The following PCDHGB4 variants were observed in gnomAD, a reference collection of about 807,000 sequenced individuals.
PCDHGB4 encodes protocadherin gamma subfamily B, 4.
PCDHGB4 carries 38 observed loss-of-function variants against 60.5 expected under a neutral mutation model. The ratio of observed to expected loss-of-function variants is 0.63; its 90% CI spans 0.48 to 0.82. The LOEUF is 0.82. Ranked by LOEUF, PCDHGB4 falls within the 40% of genes least tolerant of loss-of-function variation. The probability of loss-of-function intolerance (pLI) is 0.00; values close to 1 mark genes in which losing one functional copy is unlikely to be tolerated. For missense variants in PCDHGB4, 1,109 were observed against 1,209.6 expected (o/e 0.92, Z 1.23); for synonymous variants, 456 against 509.7 (o/e 0.89, Z 1.42).
chr5:141,422,587 CCTCA>C, intron 1 of PCDHGB4: 1 of 1,614,032 alleles, frequency 6.2e-7, no homozygotes, highest in Non-Finnish European at 8.5e-7. Context: ...TCCCGTTTTT[CCTCA>C]CTCCTCTTAC....
At chr5:141,506,351 A>G (rs1029519620) in intron 3 of PCDHGB4, among the ~76,000 whole-genome samples, 2 of 150,784 alleles carry the variant, frequency 1.3e-5, no homozygotes, top group African/African-American at 4.9e-5. Context: ...TGGGAGGCTG[A>G]GGCAGGAGAA....
At chr5:141,392,668 C>T in intron 1 of PCDHGB4, 2 of 849,812 alleles carry the variant, frequency 2.4e-6, no homozygotes, top group Admixed American at 3.2e-5. Flanking sequence ...CACAAACTAA[C>T]TGCTGGACTG....
chr5:141,451,806 A>G (rs145650418), intron 1 of PCDHGB4, among the ~76,000 whole-genome samples: 6,855 of 150,824 alleles, frequency 0.045, 259 homozygotes, highest in African/African-American at 0.1. Context: ...GCTTGAACCC[A>G]GGAGGCGGAG....
intron 1 of PCDHGB4, among the ~76,000 whole-genome samples, chr5:141,455,406 CAG>C (rs1306843200): frequency 3.3e-5 from 5 of 152,226 alleles, no homozygotes; most frequent in Non-Finnish European, 5.9e-5. Flanking sequence ...CTTACAGAGA[CAG>C]AGGGAGCGGG....
intron 1 of PCDHGB4, among the ~76,000 whole-genome samples, chr5:141,465,116 C>A (rs2099097321): frequency 6.6e-6 from 1 of 150,972 alleles, no homozygotes; most frequent in Non-Finnish European, 1.5e-5. Context: ...AGTGTTTTAG[C>A]CTAAATTTGT....
At chr5:141,446,401 T>C (rs1321106896) in intron 1 of PCDHGB4, among the ~76,000 whole-genome samples, 1 of 152,166 alleles carries the variant, frequency 6.6e-6, no homozygotes, top group African/African-American at 2.4e-5. Context: ...AGAAATCGAG[T>C]TGAGTTCCAG....
intron 1 of PCDHGB4, among the ~76,000 whole-genome samples, chr5:141,469,103 C>G (rs949254605): frequency 6.6e-6 from 1 of 151,844 alleles, no homozygotes; most frequent in Non-Finnish European, 1.5e-5. Flanking sequence ...AAAGCAAGAA[C>G]CTGTCTCTAA....
At chr5:141,419,713 C>T in intron 1 of PCDHGB4, 1 of 1,613,264 alleles carries the variant, frequency 6.2e-7, no homozygotes, top group East Asian at 2.2e-5. Context: ...GGCTCTTCAG[C>T]CTGGGGCTGC....
In PCDHGB4 at chr5:141,392,850, C is replaced by T. The variant is rs752526573; in HGVS notation, c.2397+2569C>T. ...ACAGAGTCGCCCCAGACGCGGCGAG[C>T]TGATCCTGCTGTGCGCGCTGCTGGG... On this transcript the variant is annotated intron_variant, in intron 1 of 3. Coordinates refer to ENST00000519479, the MANE Select transcript of PCDHGB4 (RefSeq NM_003736.4). The T allele has an allele frequency of 3.1e-6, 5 of 1,610,550 alleles. No homozygotes were observed. In the African/African-American group the frequency reaches 5.3e-5, roughly 17 times the overall value.
At chr5:141,390,634 T>C (rs1003300188) in intron 1 of PCDHGB4, 36 of 236,246 alleles carry the variant, frequency 1.5e-4, no homozygotes, top group African/African-American at 7.4e-4. Context: ...ATATGATGAA[T>C]ACTTTTTTCA....
intron 1 of PCDHGB4, among the ~76,000 whole-genome samples, chr5:141,438,497 T>C (rs1274742357): frequency 6.7e-6 from 1 of 149,116 alleles, no homozygotes; most frequent in African/African-American, 2.5e-5. Flanking sequence ...GAAAAAAGAA[T>C]CATAGTGCAA....
chr5:141,476,421 C>G lies in PCDHGB4; in HGVS notation c.2398-18386C>G. 1 of 1,614,026 alleles carries G rather than the reference C, an allele frequency of 6.2e-7. No homozygotes were observed. Among genetic ancestry groups the G allele is most frequent in the South Asian group, 1.1e-5 (1 of 91,066 alleles). On this transcript the variant is annotated intron_variant, in intron 1 of 3. Transcript: ENST00000519479. The surrounding 1 kb of genome is among the most constrained non-coding windows in gnomAD (Gnocchi z 7.6). ...CGAGAGGAGCTGTGTGGGACACTGC[C>G]CTCTTGCACTGTAACTCTGGAGTTG...
Position 141,491,742 on chromosome 5 carries a change from C to CA in PCDHGB4, c.2398-3064dup. The CA allele has an allele frequency of 3.1e-6, 5 of 1,596,114 alleles. No individual in the cohort carries two copies. Among genetic ancestry groups the CA allele is most frequent in the Non-Finnish European group, 4.3e-6 (5 of 1,172,424 alleles). ...CGCCCCGGGCGACCCCTGGGGGCGG[C>CA]ACTGGAGAAGCCGCCCGTCCTCATA... On this transcript the variant is annotated intron_variant, in intron 1 of 3. Coordinates refer to ENST00000519479, the MANE Select transcript of PCDHGB4 (RefSeq NM_003736.4). This position sits in a 1 kb window ranked among gnomAD's most constrained non-coding sequence, Gnocchi z 6.9.
At position 141,490,124 on chromosome 5, in the gene PCDHGB4, T is replaced by C. The variant is rs1216088470; in HGVS notation, c.2398-4683T>C. On this transcript the variant is annotated intron_variant, in intron 1 of 3. Transcript: ENST00000519479. The surrounding 1 kb of genome is among the most constrained non-coding windows in gnomAD (Gnocchi z 5.4). ...GAGGCAGTGCGGAACCTCTTTGGCCTAGACCCTAGCAGTGGGGCAATCCAT... is the reference window on the plus strand; with the variant it reads ...GAGGCAGTGCGGAACCTCTTTGGCCCAGACCCTAGCAGTGGGGCAATCCAT... 6.2e-7 allele frequency: 1 copy of C among 1,614,144 alleles called. No individual in the cohort carries two copies. Among genetic ancestry groups the C allele is most frequent in the Non-Finnish European group, 8.5e-7 (1 of 1,180,054 alleles).
rs778372966 is a variant in PCDHGB4, at chr5:141,477,105, A to G, written c.2398-17702A>G. The G allele has an allele frequency of 7.4e-6, 12 of 1,614,106 alleles. No individual in the cohort carries two copies. The highest frequency in any genetic ancestry group is 4.0e-5 in the African/African-American group (3 of 74,934). On this transcript the variant is annotated intron_variant, in intron 1 of 3. Transcript: ENST00000519479. This position sits in a 1 kb window ranked among gnomAD's most constrained non-coding sequence, Gnocchi z 4.9. ...ATCCAGGCCAAAGACAAGGGCGCCA[A>G]TCCCGAAGGAGCACATTGCAAAGTG...
intron 1 of PCDHGB4, chr5:141,395,077 A>T: frequency 6.2e-7 from 1 of 1,614,142 alleles, no homozygotes; most frequent in Non-Finnish European, 8.5e-7. Flanking sequence ...ACCTATTCCC[A>T]GGAAGTCTCC....
rs754747902 is a variant in PCDHGB4 at position 141,417,898 on chromosome 5, G to T, written c.2397+27617G>T. The T allele has an allele frequency of 5.5e-5, 87 of 1,579,262 alleles. 1 individual carries two copies. The South Asian group carries it at 7.8e-4, about 14-fold the overall frequency. The stretch of plus-strand genomic sequence containing the variant: ...GCGCGCAGAGGCGCCGGGCCGGCCC[G>T]CGGCAGGTACTATTTCCTTTGCTGC... On this transcript the variant is annotated intron_variant, in intron 1 of 3. Coordinates refer to ENST00000519479, the MANE Select transcript of PCDHGB4 (RefSeq NM_003736.4).
At chr5:141,444,752 T>C (rs1376810825) in intron 1 of PCDHGB4, among the ~76,000 whole-genome samples, 2 of 152,228 alleles carry the variant, frequency 1.3e-5, no homozygotes, top group Non-Finnish European at 2.9e-5. Context: ...CTGATATATG[T>C]AGTTCTATTT....
At chr5:141,435,103 G>A (rs1468698388) in intron 1 of PCDHGB4, among the ~76,000 whole-genome samples, 2 of 151,914 alleles carry the variant, frequency 1.3e-5, no homozygotes, top group African/African-American at 2.4e-5. Flanking sequence ...TTTATCTAGG[G>A]GGGAGAAATC....
Sources: gnomAD v4.1 joint callset for allele counts (sites outside exome capture counted in the v4.1 genomes callset) on GRCh38, gnomAD v4.1.1 for gene constraint, Gnocchi (gnomAD v3.1) non-coding constraint, MANE v1.5 for transcripts, NCBI Gene and HGNC (gene_info 2026-07-23, HGNC 2026-07-21) for gene names.